PAPPA2: variants seen among roughly 807,000 people sequenced by gnomAD.
PAPPA2 encodes the protein pappalysin 2.
A neutral mutation model predicts 176.4 loss-of-function variants in PAPPA2; 86 were observed. The observed-to-expected ratio is 0.49, with a 90% CI of 0.41 to 0.58. The LOEUF is 0.58. PAPPA2 is among the 20% of genes least tolerant of loss of function. The probability of loss-of-function intolerance (pLI) is 0.00; values close to 1 mark genes in which losing one functional copy is unlikely to be tolerated. For synonymous variants in PAPPA2, 809 were observed against 852.2 expected, an observed-to-expected ratio of 0.95 and a Z score of 0.88; for missense variants, 2,073 against 2,256.9, an observed-to-expected ratio of 0.92 and a Z score of 1.65.
At chr1:176,520,932 T>C (rs774256852) in intron 1 of PAPPA2, among the ~76,000 whole-genome samples, 4 of 152,064 alleles carry the variant, frequency 2.6e-5, no homozygotes, top group Non-Finnish European at 4.4e-5. Context: ...CTGGGTAACA[T>C]AGCAAGACTC....
chr1:176,808,548 T>C (rs543988448), intron 21 of PAPPA2, among the ~76,000 whole-genome samples: 3 of 152,362 alleles, frequency 2.0e-5, no homozygotes, highest in East Asian at 3.9e-4. Context: ...AGGTGAATTG[T>C]TTTAAAATTA....
At chr1:176,805,061 CCCTTCCTTCCTT>C (rs61431554) in intron 21 of PAPPA2, among the ~76,000 whole-genome samples, 13 of 147,066 alleles carry the variant, frequency 8.8e-5, no homozygotes, top group South Asian at 2.3e-4. Context: ...CTTCTTCCTT[CCCTTCCTTCCTT>C]CCTTCCTTCC....
rs530122780 is a variant in PAPPA2, at chr1:176,618,978, G to T, written c.1991+23383G>T. 1.0e-3 allele frequency among the ~76,000 whole-genome samples: 153 copies of T among 152,098 alleles called. 1 individual carries two copies. Among genetic ancestry groups the T allele is most frequent in the Non-Finnish European group, 1.9e-3 (128 of 67,980 alleles). ...ACAAGAGAGGCCTCTTCCAAATTGGGTCATCAATAGGATAGCCATATAGTT... is the reference window on the plus strand; with the variant it reads ...ACAAGAGAGGCCTCTTCCAAATTGGTTCATCAATAGGATAGCCATATAGTT... On this transcript the variant is annotated intron_variant, in intron 3 of 22. Coordinates refer to ENST00000367662, the MANE Select transcript of PAPPA2 (RefSeq NM_020318.3).
At chr1:176,800,309 T>G (rs1346555743) in intron 21 of PAPPA2, among the ~76,000 whole-genome samples, 177 bp downstream of exon 21, 4 of 152,216 alleles carry the variant, frequency 2.6e-5, no homozygotes, top group Non-Finnish European at 4.4e-5. Flanking sequence ...GGAGTTCTGA[T>G]TTTTGTTTTG....
At chr1:176,817,688 C>T (rs1251120599) in intron 21 of PAPPA2, among the ~76,000 whole-genome samples, 3 of 151,224 alleles carry the variant, frequency 2.0e-5, no homozygotes, top group African/African-American at 7.3e-5. Flanking sequence ...ATCTAACTCC[C>T]TGGTGCTTGG....
chr1:176,491,138 C>T (rs1647269961), intron 1 of PAPPA2, among the ~76,000 whole-genome samples: 1 of 152,176 alleles, frequency 6.6e-6, no homozygotes, highest in African/African-American at 2.4e-5. Flanking sequence ...GTTCTTTGAT[C>T]AGACATTTAC....
chr1:176,585,596 T>C (rs1258512608), intron 2 of PAPPA2, among the ~76,000 whole-genome samples: 2 of 152,150 alleles, frequency 1.3e-5, no homozygotes, highest in African/African-American at 2.4e-5. Flanking sequence ...TCTTTTCTTC[T>C]CTTTCTACAG....
intron 20 of PAPPA2, among the ~76,000 whole-genome samples, chr1:176,797,884 T>A (rs1571343152): frequency 6.6e-6 from 1 of 152,310 alleles, no homozygotes; most frequent in East Asian, 1.9e-4. Flanking sequence ...ATAGGGAACA[T>A]CTTTATGAGA....
chr1:176,666,158 T>C, intron 3 of PAPPA2, among the ~76,000 whole-genome samples: 1 of 152,078 alleles, frequency 6.6e-6, no homozygotes, highest in East Asian at 1.9e-4. Context: ...GAATCGTTGG[T>C]CTCTAAAGCA....
At chr1:176,715,221 T>G (rs1661314588) in intron 12 of PAPPA2, among the ~76,000 whole-genome samples, 1 of 152,182 alleles carries the variant, frequency 6.6e-6, no homozygotes, top group Non-Finnish European at 1.5e-5. Context: ...AAGTTTCCCT[T>G]CAATGCTCTA....
intron 2 of PAPPA2, among the ~76,000 whole-genome samples, chr1:176,569,215 C>G (rs995637632): frequency 2.0e-5 from 3 of 152,198 alleles, no homozygotes; most frequent in Admixed American, 1.3e-4. Flanking sequence ...TGCTCACATG[C>G]ACTCACGCAT....
At chr1:176,493,313 A>C (rs953346329) in intron 1 of PAPPA2, among the ~76,000 whole-genome samples, 1 of 152,204 alleles carries the variant, frequency 6.6e-6, no homozygotes, top group African/African-American at 2.4e-5. Context: ...CCCTCTTTCT[A>C]AGTAATGCTC....
At chr1:176,778,692 A>C (rs149517306) in intron 17 of PAPPA2, among the ~76,000 whole-genome samples, 1 of 152,350 alleles carries the variant, frequency 6.6e-6, no homozygotes, top group African/African-American at 2.4e-5. Context: ...CTATACACTT[A>C]TATACACATG....
chr1:176,556,655 G>T lies in PAPPA2; in HGVS notation c.333G>T (p.Leu111=), dbSNP rs775790815. Reference sequence around the variant, plus strand: ...CTGTGAGCCTTGTTCCCCCAGACCTGACTGAAAATCCAGCAGGACTGAGGG... The same window carrying T: ...CTGTGAGCCTTGTTCCCCCAGACCTTACTGAAAATCCAGCAGGACTGAGGG... The part of the protein sequence containing the change: ...GNAVSLVPPD[L]TENPAGLRGA... Residue 111 remains leucine, a synonymous_variant, in exon 2 of 23, where the codon CTG becomes CTT. Transcript: ENST00000367662. The T allele has an allele frequency of 1.9e-6, 3 of 1,614,182 alleles. No individual in the cohort carries two copies. The highest frequency in any genetic ancestry group is 1.1e-5 in the South Asian group (1 of 91,082).
intron 15 of PAPPA2, among the ~76,000 whole-genome samples, chr1:176,768,333 C>T (rs1411215493): frequency 6.6e-6 from 1 of 152,144 alleles, no homozygotes; most frequent in Non-Finnish European, 1.5e-5. Context: ...TCCTCCCTGG[C>T]CGAGGATGGC....
intron 3 of PAPPA2, among the ~76,000 whole-genome samples, chr1:176,637,927 C>T (rs1450673429): frequency 6.6e-6 from 1 of 152,078 alleles, no homozygotes; most frequent in Non-Finnish European, 1.5e-5. Context: ...CCAAGAGGGT[C>T]ACCATGACCC....
At chr1:176,684,709 G>A (rs1235489180) in intron 4 of PAPPA2, among the ~76,000 whole-genome samples, 3 of 152,134 alleles carry the variant, frequency 2.0e-5, no homozygotes, top group Admixed American at 1.3e-4. Context: ...TGGCACTATA[G>A]AACAAAGACA....
intron 3 of PAPPA2, among the ~76,000 whole-genome samples, chr1:176,665,069 T>C (rs937577526): frequency 1.3e-5 from 2 of 152,152 alleles, no homozygotes; most frequent in Non-Finnish European, 2.9e-5. Context: ...GTGACACCAA[T>C]TCAGAGAGGG....
intron 4 of PAPPA2, among the ~76,000 whole-genome samples, chr1:176,688,587 A>G (rs1193390347): frequency 2.0e-5 from 3 of 152,220 alleles, no homozygotes; most frequent in African/African-American, 7.2e-5. Flanking sequence ...GAGAATAACA[A>G]TTTTACCATA....
Sources: allele counts gnomAD v4.1 joint callset (sites outside exome capture counted in the v4.1 genomes callset), GRCh38; gene constraint gnomAD v4.1.1; transcripts MANE v1.5; gene names NCBI Gene and HGNC (gene_info 2026-07-23, HGNC 2026-07-21).